Variants in ENOX1 observed in about 807,000 individuals in gnomAD.
ENOX1 encodes ecto-NOX disulfide-thiol exchanger 1.
ENOX1 carries 42 observed loss-of-function variants against 82.5 expected under a neutral mutation model. The ratio of observed to expected loss-of-function variants is 0.51; its 90% CI spans 0.40 to 0.66. The LOEUF (loss-of-function observed/expected upper bound fraction) is 0.66, where lower values mean the gene tolerates loss of function less well. Ranked by LOEUF, ENOX1 falls within the 30% of genes least tolerant of loss-of-function variation. The pLI is 0.00. For missense variants in ENOX1, 608 were observed against 811.6 expected (o/e 0.75, Z 3.05); for synonymous variants, 271 against 282.2 (o/e 0.96, Z 0.40).
At chr13:43,613,911 G>A (rs1018742942) in intron 2 of ENOX1, among the ~76,000 whole-genome samples, 2 of 151,886 alleles carry the variant, frequency 1.3e-5, no homozygotes, top group Non-Finnish European at 2.9e-5. Context: ...TCCAGCTTGG[G>A]CTACAAAATA....
intron 1 of ENOX1, among the ~76,000 whole-genome samples, chr13:43,682,822 T>C (rs1370263837): frequency 6.6e-6 from 1 of 152,148 alleles, no homozygotes; most frequent in Non-Finnish European, 1.5e-5. Context: ...GGGAGCCAAT[T>C]AGATTTAAGG....
At chr13:43,247,259 G>C (rs1374915224) in intron 14 of ENOX1, among the ~76,000 whole-genome samples, 1 of 151,098 alleles carries the variant, frequency 6.6e-6, no homozygotes, top group East Asian at 2.0e-4. Context: ...GTTGCAGTGA[G>C]CCGAGATCAC....
At chr13:43,729,404 T>A (rs1211641785) in intron 1 of ENOX1, among the ~76,000 whole-genome samples, 1 of 152,110 alleles carries the variant, frequency 6.6e-6, no homozygotes, top group East Asian at 1.9e-4. Context: ...ATGTCTAATA[T>A]AAACACAAGT....
chr13:43,264,271 A>G (rs1800131234), intron 14 of ENOX1, among the ~76,000 whole-genome samples: 1 of 152,246 alleles, frequency 6.6e-6, no homozygotes, highest in South Asian at 2.1e-4. Context: ...ATTTCAAACT[A>G]CATCACATCA....
At chr13:43,645,825 T>G (rs141847565) in intron 2 of ENOX1, among the ~76,000 whole-genome samples, 1 of 152,324 alleles carries the variant, frequency 6.6e-6, no homozygotes, top group East Asian at 1.9e-4. Flanking sequence ...TTTTAGCTAA[T>G]TATGCACTAG....
chr13:43,578,454 G>T (rs2080544111), intron 2 of ENOX1, among the ~76,000 whole-genome samples: 1 of 151,962 alleles, frequency 6.6e-6, no homozygotes, highest in South Asian at 2.1e-4. Context: ...TCTTAATAAT[G>T]AAATGCTAAT....
chr13:43,543,371 C>T (rs536815076), intron 2 of ENOX1, among the ~76,000 whole-genome samples: 2 of 152,160 alleles, frequency 1.3e-5, no homozygotes, highest in African/African-American at 4.8e-5. Flanking sequence ...TCGGAATATA[C>T]TGTATGTAAT....
chr13:43,474,451 A>G (rs1264903439), intron 3 of ENOX1, among the ~76,000 whole-genome samples: 5 of 152,304 alleles, frequency 3.3e-5, no homozygotes, highest in Admixed American at 2.0e-4. Flanking sequence ...AGATTTTTCT[A>G]AGTTTCTAAC....
intron 1 of ENOX1, among the ~76,000 whole-genome samples, chr13:43,700,526 A>T (rs2153808388): frequency 6.6e-6 from 1 of 152,232 alleles, no homozygotes; most frequent in South Asian, 2.1e-4. Context: ...AGGAAGTTGC[A>T]AATGTTCCAT....
intron 16 of ENOX1, among the ~76,000 whole-genome samples, chr13:43,222,083 G>A (rs966944964): frequency 3.3e-5 from 5 of 152,100 alleles, no homozygotes; most frequent in Admixed American, 6.6e-5. Flanking sequence ...GGGACACCTC[G>A]TGTGTTTCCT....
intron 1 of ENOX1, among the ~76,000 whole-genome samples, chr13:43,714,792 T>C (rs2087997223): frequency 6.6e-6 from 1 of 152,206 alleles, no homozygotes; most frequent in Non-Finnish European, 1.5e-5. Flanking sequence ...TCCCTTTATT[T>C]TGAGCCTATG....
chr13:43,247,986 C>G lies in ENOX1; in HGVS notation c.1612-11248G>C, dbSNP rs1292559481. On this transcript the variant is annotated intron_variant, in intron 14 of 16. Coordinates refer to ENST00000690772, the MANE Select transcript of ENOX1 (RefSeq NM_001347969.2). ...CTGCAAGCTCCGCCTCCCGGGTTCACGCCATTCTCCTGCCTCAGCCTCCCA... is the reference window on the plus strand; with the variant it reads ...CTGCAAGCTCCGCCTCCCGGGTTCAGGCCATTCTCCTGCCTCAGCCTCCCA... Among the ~76,000 whole-genome samples, 4 of 139,420 alleles carry G rather than the reference C, an allele frequency of 2.9e-5. No individual in the cohort carries two copies. In the East Asian group the frequency reaches 6.5e-4, roughly 23 times the overall value. The allele number at this position is 139,420 out of a possible 152,430, so 91.5% of individuals were successfully genotyped here.
intron 3 of ENOX1, among the ~76,000 whole-genome samples, chr13:43,441,296 C>G (rs2056342186): frequency 6.6e-6 from 1 of 152,288 alleles, no homozygotes; most frequent in South Asian, 2.1e-4. Context: ...TCCTTATTAA[C>G]TAATGACTCC....
intron 2 of ENOX1, among the ~76,000 whole-genome samples, chr13:43,571,693 AAAAC>A (rs528317950): frequency 6.6e-5 from 10 of 152,148 alleles, no homozygotes; most frequent in African/African-American, 2.2e-4. Context: ...TCTGTCTCAA[AAAAC>A]AAACAAACAA....
intron 1 of ENOX1, among the ~76,000 whole-genome samples, chr13:43,732,838 A>T (rs2089422468): frequency 6.6e-6 from 1 of 152,206 alleles, no homozygotes; most frequent in African/African-American, 2.4e-5. Context: ...ATTCAGCCCC[A>T]GTAATGCAAG....
At chr13:43,550,143 T>C (rs9316036) in intron 2 of ENOX1, among the ~76,000 whole-genome samples, 142,970 of 152,224 alleles carry the variant, frequency 0.94, 67,795 homozygotes, top group East Asian at 1. Context: ...GGAGCTCAGG[T>C]GATAATGCTC....
intron 3 of ENOX1, among the ~76,000 whole-genome samples, chr13:43,469,516 A>T (rs1309675101): frequency 2.6e-5 from 4 of 151,954 alleles, no homozygotes; most frequent in African/African-American, 9.7e-5. Flanking sequence ...TAAAAATTTT[A>T]AATTCTATCT....
intron 2 of ENOX1, among the ~76,000 whole-genome samples, chr13:43,502,425 A>G (rs868654838): frequency 2.0e-5 from 3 of 151,748 alleles, no homozygotes; most frequent in Non-Finnish European, 4.4e-5. Context: ...AAATAGGCCA[A>G]TATCTCTGTT....
At chr13:43,676,639 C>T (rs2085526127) in intron 1 of ENOX1, among the ~76,000 whole-genome samples, 1 of 152,112 alleles carries the variant, frequency 6.6e-6, no homozygotes, top group South Asian at 2.1e-4. Context: ...CAAAGGACCC[C>T]TACCTTGCAA....
Sources: gnomAD v4.1 joint callset for allele counts (sites outside exome capture counted in the v4.1 genomes callset) on GRCh38, gnomAD v4.1.1 for gene constraint, MANE v1.5 for transcripts, NCBI Gene and HGNC (gene_info 2026-07-23, HGNC 2026-07-21) for gene names.